Variants in KAT6B observed in about 807,000 individuals in gnomAD.
KAT6B encodes the protein histone acetyltransferase KAT6B.
Under a neutral mutation model 187.5 loss-of-function variants are expected in KAT6B, and 10 were observed. That is an observed-to-expected ratio of 0.05 (90% CI 0.03 to 0.09). The LOEUF (loss-of-function observed/expected upper bound fraction) is 0.09, where lower values mean the gene tolerates loss of function less well. KAT6B is among the 10% of genes least tolerant of loss of function. The probability of loss-of-function intolerance (pLI) is 1.00; values close to 1 mark genes in which losing one functional copy is unlikely to be tolerated. For synonymous variants in KAT6B, 861 were observed against 926.8 expected (o/e 0.93, Z 1.29); for missense variants, 1,952 against 2,558.9 (o/e 0.76, Z 5.12).
chr10:75,015,694 C>G, intron 13 of KAT6B, among the ~76,000 whole-genome samples: 1 of 152,168 alleles, frequency 6.6e-6, no homozygotes. Flanking sequence ...CCAGTGCCGT[C>G]GACTGATACA....
Position 74,976,247 on chromosome 10 carries a change from A to T in KAT6B, c.1910A>T (p.Tyr637Phe), listed in dbSNP as rs753892062. ...KKHRMLGRLKYKVTPQMGTPS... is the reference protein window; with the variant it reads ...KKHRMLGRLKFKVTPQMGTPS... ...CACAGGATGCTAGGCAGATTAAAAT[A>T]TAAAGTGACCCCTCAGATGGGGACC... Residue 637 changes from tyrosine (Y) to phenylalanine (F), a missense_variant, in exon 8 of 18, where the codon TAT becomes TTT. Tyr to Phe is a conservative substitution (Grantham distance 22, BLOSUM62 3). Coordinates refer to ENST00000287239, the MANE Select transcript of KAT6B (RefSeq NM_012330.4). The T allele has an allele frequency of 1.2e-6, 2 of 1,614,170 alleles. No individual in the cohort carries two copies. Among genetic ancestry groups the T allele is most frequent in the Non-Finnish European group, 1.7e-6 (2 of 1,180,030 alleles).
chr10:74,947,526 C>T (rs1589683850), intron 3 of KAT6B, among the ~76,000 whole-genome samples: 2 of 152,336 alleles, frequency 1.3e-5, no homozygotes, highest in East Asian at 3.9e-4. Context: ...CAAACATCTA[C>T]TGTGTGTATA....
intron 16 of KAT6B, 118 bp downstream of exon 16, chr10:75,022,349 TA>T: frequency 9.2e-7 from 1 of 1,087,328 alleles, no homozygotes; most frequent in Non-Finnish European, 1.4e-6. Context: ...AGTTTATGTG[TA>T]CCCAGTCCCG....
intron 17 of KAT6B, among the ~76,000 whole-genome samples, chr10:75,027,062 C>G (rs1038503112): frequency 1.3e-5 from 2 of 152,108 alleles, no homozygotes; most frequent in Non-Finnish European, 2.9e-5. Flanking sequence ...TCGCTTGAAC[C>G]TGGGAGACAG....
intron 3 of KAT6B, among the ~76,000 whole-genome samples, chr10:74,870,766 C>T (rs889439334): frequency 2.6e-5 from 4 of 151,624 alleles, no homozygotes; most frequent in Non-Finnish European, 5.9e-5. Flanking sequence ...TTAGTAGAGA[C>T]GGGGTTTTCC....
chr10:75,010,810 T>C (rs2134054352), intron 13 of KAT6B, among the ~76,000 whole-genome samples: 1 of 152,348 alleles, frequency 6.6e-6, no homozygotes, highest in East Asian at 1.9e-4. Flanking sequence ...ACCTCAGACC[T>C]ATAAAAGTAG....
At chr10:74,973,986 T>G (rs1200581682) in intron 7 of KAT6B, among the ~76,000 whole-genome samples, 1 of 152,220 alleles carries the variant, frequency 6.6e-6, no homozygotes, top group Non-Finnish European at 1.5e-5. Flanking sequence ...TCCTTTGAGC[T>G]TAGGAATTTT....
At chr10:74,970,140 A>C in intron 6 of KAT6B, 39 bp downstream of exon 6, 1 of 1,493,370 alleles carries the variant, frequency 6.7e-7, no homozygotes, top group Non-Finnish European at 9.3e-7. Context: ...ATTTTATTAC[A>C]TATTGGTTAG....
At position 75,028,724 on chromosome 10, in the gene KAT6B, C is replaced by G. The variant is rs201742830; in HGVS notation, c.3900C>G (p.Thr1300=). The change falls in exon 18 of 18, where the codon ACC becomes ACG. Residue 1300 remains threonine (T), a synonymous_variant. Coordinates refer to ENST00000287239, the MANE Select transcript of KAT6B (RefSeq NM_012330.4). ...AGAAGGAGACTTCAGAAGGAAAAAC[C>G]AGCCCCAGTCCCATCAGGATTGAGG... ...EEQKETSEGK[T]SPSPIRIEEE... is the part of the protein sequence containing the mutation. 1.7e-5 allele frequency: 28 copies of G among 1,613,784 alleles called. No homozygotes were observed. The highest frequency in any genetic ancestry group is 2.4e-5 in the Non-Finnish European group (28 of 1,180,016).
At position 74,976,131 on chromosome 10, in the gene KAT6B, T is replaced by C. The variant is rs376078007; in HGVS notation, c.1794T>C (p.Ile598=). The C allele has an allele frequency of 2.5e-6, 4 of 1,614,088 alleles. No homozygotes were observed. In the African/African-American group the frequency reaches 5.3e-5, roughly 22 times the overall value. ...FGKRDIRSRF[I]SHSSSSSWGM... is the part of the protein sequence containing the mutation. Reference sequence around the variant, plus strand: ...AAAGAGATATTAGAAGTCGGTTTATTTCTCACTCCTCCTCCTCTAGCTGGG... The same window carrying C: ...AAAGAGATATTAGAAGTCGGTTTATCTCTCACTCCTCCTCCTCTAGCTGGG... Residue 598 remains isoleucine (I), a synonymous_variant, in exon 8 of 18, where the codon ATT becomes ATC. Coordinates refer to ENST00000287239, the MANE Select transcript of KAT6B (RefSeq NM_012330.4).
intron 3 of KAT6B, among the ~76,000 whole-genome samples, chr10:74,921,646 CT>C (rs1168476209): frequency 6.6e-6 from 1 of 152,208 alleles, no homozygotes; most frequent in Non-Finnish European, 1.5e-5. Flanking sequence ...CCCTTCCATA[CT>C]CATCCTTGCT....
At chr10:74,833,746 G>A (rs1564894379) in intron 1 of KAT6B, among the ~76,000 whole-genome samples, 2 of 152,162 alleles carry the variant, frequency 1.3e-5, no homozygotes, top group Non-Finnish European at 2.9e-5. Flanking sequence ...ATATGTATTA[G>A]TTGAAATGAT....
In KAT6B at chr10:75,028,745, TGAG is replaced by T. The variant is rs773216336; in HGVS notation, c.3929_3931del (p.Glu1310del). ...AAACCAGCCCCAGTCCCATCAGGAT[TGAG>T]GAGGAGGTCAAGGAAACTGGGGAAG... On this transcript the variant is annotated inframe_deletion, in exon 18 of 18. Transcript: ENST00000287239. 2.5e-4 allele frequency: 398 copies of T among 1,613,850 alleles called. No homozygotes were observed. The highest frequency in any genetic ancestry group is 3.2e-4 in the Non-Finnish European group (383 of 1,180,020).
chr10:74,952,738 G>A (rs1016403942), intron 3 of KAT6B, among the ~76,000 whole-genome samples: 1 of 151,524 alleles, frequency 6.6e-6, no homozygotes, highest in Non-Finnish European at 1.5e-5. Flanking sequence ...CCAGGCTGGA[G>A]TATAATGGCG....
chr10:74,941,812 C>T (rs1436839514), intron 3 of KAT6B, among the ~76,000 whole-genome samples: 1 of 152,098 alleles, frequency 6.6e-6, no homozygotes, highest in Non-Finnish European at 1.5e-5. Flanking sequence ...GGGAACACAT[C>T]CCATTTCACT....
Position 74,981,870 on chromosome 10 carries a change from G to T in KAT6B, c.2315G>T (p.Gly772Val). The T allele has an allele frequency of 4.3e-6, 7 of 1,612,326 alleles. No individual in the cohort carries two copies. Among genetic ancestry groups the T allele is most frequent in the Non-Finnish European group, 5.9e-6 (7 of 1,178,424 alleles). ...TTGCTAAGACACTCCAAGAAGTGTGGATGGTTTCATCCTCCAGCAAATGAA... is the reference window on the plus strand; with the variant it reads ...TTGCTAAGACACTCCAAGAAGTGTGTATGGTTTCATCCTCCAGCAAATGAA... ...NILLRHSKKC[G>V]WFHPPANEIY... Residue 772 changes from glycine (G) to valine (V), a missense_variant, in exon 11 of 18, where the codon GGA becomes GTA. By Grantham distance (109) the Gly-to-Val change is moderately radical (BLOSUM62 -3). Coordinates refer to ENST00000287239, the MANE Select transcript of KAT6B (RefSeq NM_012330.4).
Position 74,842,926 on chromosome 10 carries a change from A to G in KAT6B, c.69A>G (p.Gln23=). ...ILEAIQKIKK[Q]KQRPSEERIC... ...AAGCTATACAGAAAATAAAAAAGCA[A>G]AAGCAAAGGCCCTCTGAAGAGAGAA... The change falls in exon 3 of 18, where the codon CAA becomes CAG. Residue 23 remains glutamine, a synonymous_variant. Coordinates refer to ENST00000287239, the MANE Select transcript of KAT6B (RefSeq NM_012330.4). 1.9e-6 allele frequency: 3 copies of G among 1,614,218 alleles called. No homozygotes were observed. Among genetic ancestry groups the G allele is most frequent in the Non-Finnish European group, 2.5e-6 (3 of 1,180,036 alleles).
chr10:74,977,871 T>C (rs1018354818), intron 9 of KAT6B, among the ~76,000 whole-genome samples: 1 of 152,274 alleles, frequency 6.6e-6, no homozygotes, highest in Non-Finnish European at 1.5e-5. Flanking sequence ...CTCTTCTGCA[T>C]TGATGAAAAC....
intron 13 of KAT6B, among the ~76,000 whole-genome samples, chr10:75,018,568 T>C (rs1845161014): frequency 6.6e-6 from 1 of 152,162 alleles, no homozygotes; most frequent in African/African-American, 2.4e-5. Flanking sequence ...TGGCTGCTGC[T>C]GCCTTCCGGA....
Sources: allele counts gnomAD v4.1 joint callset (sites outside exome capture counted in the v4.1 genomes callset), GRCh38; gene constraint gnomAD v4.1.1; transcripts MANE v1.5; gene names NCBI Gene and HGNC (gene_info 2026-07-23, HGNC 2026-07-21).